The following TREM1 variants were observed in gnomAD, a reference collection of about 807,000 sequenced individuals.
The protein encoded by TREM1 is triggering receptor expressed on monocytes 1.
A neutral mutation model predicts 22.4 loss-of-function variants in TREM1; 16 were observed. The observed-to-expected ratio is 0.71, with a 90% CI of 0.48 to 1.08. TREM1 has a LOEUF of 1.08. Ranked by LOEUF, TREM1 falls within the 50% of genes least tolerant of loss-of-function variation. TREM1 has a pLI of 0.00. For missense variants in TREM1, 283 were observed against 282.9 expected (o/e 1.00, Z 0.00); for synonymous variants, 110 against 111.6 (o/e 0.99, Z 0.09).
intron 2 of TREM1, chr6:41,281,355 T>A: frequency 1.7e-6 from 1 of 603,794 alleles, no homozygotes; most frequent in Non-Finnish European, 2.8e-6. Flanking sequence ...AGAAATACTG[T>A]GGAGTCAACC....
At chr6:41,285,095 C>G (rs1331917929) in intron 1 of TREM1, among the ~76,000 whole-genome samples, 1 of 152,202 alleles carries the variant, frequency 6.6e-6, no homozygotes, top group African/African-American at 2.4e-5. Flanking sequence ...AAGCCCTAAC[C>G]TCTGAAGTTA....
intron 3 of TREM1, among the ~76,000 whole-genome samples, chr6:41,277,080 A>C (rs1767700368): frequency 6.6e-6 from 1 of 152,008 alleles, no homozygotes; most frequent in Non-Finnish European, 1.5e-5. Context: ...AATAAAAAAA[A>C]AACAATCCAA....
rs566925827 is a variant in TREM1 at position 41,275,024 on chromosome 6, G to C, written c.*1101C>G. On this transcript the variant is annotated 3_prime_UTR_variant, in exon 4 of 4. Transcript: ENST00000244709. ...AATAACAAAATCCTGATTGAAATCT[G>C]TGGGAGATTGCAAGACAATCTCCCA... Among the ~76,000 whole-genome samples, 1 of 151,776 alleles carries C rather than the reference G, an allele frequency of 6.6e-6. No individual in the cohort carries two copies. The highest frequency in any genetic ancestry group is 2.1e-4 in the South Asian group (1 of 4,780).
Position 41,274,270 on chromosome 6 carries a change from T to G in TREM1, c.*1855A>C, listed in dbSNP as rs1342581572. On this transcript the variant is annotated 3_prime_UTR_variant, in exon 4 of 4. Transcript: ENST00000244709. ...GAGGGAGCTGTATACTAGTATACAGTAGGTCTGCAGGGGCCCTGGACTCAT... is the reference window on the plus strand; with the variant it reads ...GAGGGAGCTGTATACTAGTATACAGGAGGTCTGCAGGGGCCCTGGACTCAT... 6.6e-6 allele frequency among the ~76,000 whole-genome samples: 1 copy of G among 152,104 alleles called. No individual in the cohort carries two copies. The highest frequency in any genetic ancestry group is 1.5e-5 in the Non-Finnish European group (1 of 68,018).
downstream of TREM1, among the ~76,000 whole-genome samples, chr6:41,270,838 T>G (rs1256596822): frequency 6.6e-6 from 1 of 152,160 alleles, no homozygotes; most frequent in Non-Finnish European, 1.5e-5. Flanking sequence ...ACCACATAGC[T>G]GGGACTACAG....
downstream of TREM1, among the ~76,000 whole-genome samples, chr6:41,272,325 C>T (rs543911945): frequency 1.7e-4 from 26 of 152,298 alleles, no homozygotes; most frequent in African/African-American, 5.5e-4. Flanking sequence ...GGCCACCAAC[C>T]TCCTCATCAC....
At chr6:41,271,959 G>A (rs1349796142), downstream of TREM1, among the ~76,000 whole-genome samples, 1 of 152,148 alleles carries the variant, frequency 6.6e-6, no homozygotes, top group Non-Finnish European at 1.5e-5. Flanking sequence ...AGCAGCCAGG[G>A]CCACCCTCAG....
intron 3 of TREM1, chr6:41,280,129 T>G: frequency 1.1e-6 from 1 of 933,094 alleles, no homozygotes; most frequent in Non-Finnish European, 1.3e-6. Flanking sequence ...TATTAAAATA[T>G]GTATAAACAT....
chr6:41,276,485 C>T (rs1447661582), intron 3 of TREM1, among the ~76,000 whole-genome samples: 2 of 152,146 alleles, frequency 1.3e-5, no homozygotes, highest in African/African-American at 4.8e-5. Flanking sequence ...TCAGCCCATC[C>T]TCCTCCCTGT....
downstream of TREM1, among the ~76,000 whole-genome samples, chr6:41,271,113 G>A (rs1767469088): frequency 6.6e-6 from 1 of 152,096 alleles, no homozygotes; most frequent in South Asian, 2.1e-4. Flanking sequence ...GTCCCAGAGG[G>A]CAGTCAACCT....
At chr6:41,276,285 C>T in intron 3 of TREM1, 55 bp from the exon 4 acceptor site, 2 of 1,326,802 alleles carry the variant, frequency 1.5e-6, no homozygotes, top group East Asian at 2.3e-5. Context: ...CCCACACGCA[C>T]ATGTTCCCTC....
intron 3 of TREM1, among the ~76,000 whole-genome samples, chr6:41,268,568 A>T (rs1387243851): frequency 1.3e-5 from 2 of 152,214 alleles, no homozygotes; most frequent in African/African-American, 4.8e-5. Flanking sequence ...AATAAAGATC[A>T]ACAAACCCAA....
At position 41,286,647 on chromosome 6, in the gene TREM1, C is replaced by G; in HGVS notation, c.9G>C (p.Lys3Asn). The G allele has an allele frequency of 6.2e-7, 1 of 1,614,082 alleles. No individual in the cohort carries two copies. The highest frequency in any genetic ancestry group is 8.5e-7 in the Non-Finnish European group (1 of 1,179,996). The change falls in exon 1 of 4, where the codon AAG becomes AAC. Residue 3 changes from lysine to asparagine, a missense_variant. Coordinates refer to ENST00000244709, the MANE Select transcript of TREM1 (RefSeq NM_018643.5). ...TCCACAGCAGCCCCCAGAGCCTGGT[C>G]TTCCTCATCCTTCCTGTGCACCAGC... MR[K>N]TRLWGLLWML...
At chr6:41,283,283 G>A (rs1017371526) in intron 1 of TREM1, among the ~76,000 whole-genome samples, 1 of 152,198 alleles carries the variant, frequency 6.6e-6, no homozygotes, top group African/African-American at 2.4e-5. Flanking sequence ...ATATCTGACT[G>A]CCTGGCACTC....
intron 3 of TREM1, among the ~76,000 whole-genome samples, chr6:41,276,829 C>G (rs1817537): frequency 0.44 from 67,174 of 151,728 alleles, 15,228 homozygotes; most frequent in Middle Eastern, 0.56. Context: ...CAATGGAACA[C>G]AAAGGCCAGA....
Position 41,276,047 on chromosome 6 carries a change from C to T in TREM1, c.*78G>A. On this transcript the variant is annotated 3_prime_UTR_variant, in exon 4 of 4. Coordinates refer to ENST00000244709, the MANE Select transcript of TREM1 (RefSeq NM_018643.5). ...CATGTTATTAACTCCCTGCCTTTTA[C>T]CTCCTCCCTCCTCCCTTGGCACAAC... 1 of 1,071,802 alleles carries T rather than the reference C, an allele frequency of 9.3e-7. No homozygotes were observed. Among genetic ancestry groups the T allele is most frequent in the Non-Finnish European group, 1.5e-6 (1 of 688,166 alleles). 66.4% of individuals were successfully genotyped at this position (1,071,802 alleles called of 1,614,324 possible). A position where few individuals can be genotyped will look rare whatever the true frequency, so the allele number is the denominator to read the frequency against.
At chr6:41,270,822 G>A (rs967891150), downstream of TREM1, among the ~76,000 whole-genome samples, 2 of 152,038 alleles carry the variant, frequency 1.3e-5, no homozygotes, top group Admixed American at 1.3e-4. Flanking sequence ...TCCCATCTCA[G>A]CCCCCACCAC....
downstream of TREM1, among the ~76,000 whole-genome samples, chr6:41,271,854 C>T (rs1189163652): frequency 6.6e-6 from 1 of 152,200 alleles, no homozygotes; most frequent in Non-Finnish European, 1.5e-5. Flanking sequence ...TTAGTGGGCA[C>T]TTCTGCTGGG....
At chr6:41,268,794 C>A (rs1385854812), downstream of TREM1, among the ~76,000 whole-genome samples, 1 of 152,102 alleles carries the variant, frequency 6.6e-6, no homozygotes, top group Non-Finnish European at 1.5e-5. Context: ...GCAATAAGAC[C>A]AAATTAATAA....
Sources: gnomAD v4.1 joint callset for allele counts (sites outside exome capture counted in the v4.1 genomes callset) on GRCh38, gnomAD v4.1.1 for gene constraint, MANE v1.5 for transcripts, NCBI Gene and HGNC (gene_info 2026-07-23, HGNC 2026-07-21) for gene names.